Variants in CDH18 observed in about 807,000 individuals in gnomAD.
CDH18 encodes the protein cadherin 18, also known as cadherin-18.
CDH18 carries 31 observed loss-of-function variants against 67.9 expected under a neutral mutation model. That is an observed-to-expected ratio of 0.46 (90% CI 0.34 to 0.62). The LOEUF (loss-of-function observed/expected upper bound fraction) is 0.62, where lower values mean the gene tolerates loss of function less well. Among genes scored for constraint, CDH18 ranks in the 20% least tolerant of loss-of-function variants. The pLI is 0.01. For missense variants in CDH18, 890 were observed against 975.5 expected, an observed-to-expected ratio of 0.91 and a Z score of 1.17; for synonymous variants, 362 against 347.2, an observed-to-expected ratio of 1.04 and a Z score of -0.48.
chr5:19,720,300 G>C (rs909148920), intron 5 of CDH18, among the ~76,000 whole-genome samples: 7 of 152,044 alleles, frequency 4.6e-5, no homozygotes, highest in Admixed American at 4.6e-4. Flanking sequence ...TTTTGTATTA[G>C]TTATGTGGCT....
chr5:19,942,642 G>C (rs1032741991), intron 2 of CDH18, among the ~76,000 whole-genome samples: 3 of 152,100 alleles, frequency 2.0e-5, no homozygotes, highest in Non-Finnish European at 4.4e-5. Context: ...AATTCCACAA[G>C]CTGATAGATG....
At chr5:20,321,154 G>T (rs1337181271) in intron 1 of CDH18, among the ~76,000 whole-genome samples, 2 of 151,916 alleles carry the variant, frequency 1.3e-5, no homozygotes, top group Non-Finnish European at 2.9e-5. Context: ...CTTATATATA[G>T]AATAACATCT....
At chr5:19,502,371 G>T (rs1743395812) in intron 11 of CDH18, among the ~76,000 whole-genome samples, 1 of 152,098 alleles carries the variant, frequency 6.6e-6, no homozygotes, top group South Asian at 2.1e-4. Context: ...ATGGAACCTT[G>T]AGAAATGTAC....
At chr5:20,457,549 C>T (rs1315376731) in intron 1 of CDH18, among the ~76,000 whole-genome samples, 1 of 152,052 alleles carries the variant, frequency 6.6e-6, no homozygotes, top group Non-Finnish European at 1.5e-5. Flanking sequence ...TACAACTGTG[C>T]TTTGAACCCC....
intron 2 of CDH18, among the ~76,000 whole-genome samples, chr5:20,110,093 A>T (rs148831482): frequency 6.6e-6 from 1 of 152,206 alleles, no homozygotes; most frequent in Admixed American, 6.5e-5. Context: ...TACCCTCTAC[A>T]TGCCTTTGAA....
chr5:20,267,097 T>C (rs1202772216), intron 1 of CDH18, among the ~76,000 whole-genome samples: 1 of 152,210 alleles, frequency 6.6e-6, no homozygotes, highest in Non-Finnish European at 1.5e-5. Context: ...ATGGTTCAGA[T>C]AGTTTAAAGA....
intron 3 of CDH18, among the ~76,000 whole-genome samples, chr5:19,755,427 G>GTATATATATATA (rs1373982305): frequency 0.15 from 6,456 of 44,286 alleles, 2,357 homozygotes; most frequent in South Asian, 0.22. Context: ...AACTAACAGG[G>GTATATATATATA]TATGTATATA....
At chr5:20,495,668 A>G (rs1753862459) in intron 1 of CDH18, among the ~76,000 whole-genome samples, 1 of 152,174 alleles carries the variant, frequency 6.6e-6, no homozygotes, top group Non-Finnish European at 1.5e-5. Context: ...GTTTATACTA[A>G]TAGTTGACCA....
In CDH18 at chr5:20,090,701, C is replaced by T. The variant is rs545926889; in HGVS notation, c.-517-98687G>A. On this transcript the variant is annotated intron_variant, in intron 2 of 14. Coordinates refer to the CDH18 transcript ENST00000507958. ...ATGGATAAGTGAACTTCTCTTTCAA[C>T]CTCGTGAAACAAATTATTAAAAAGA... Among the ~76,000 whole-genome samples, 68 of 151,966 alleles carry T rather than the reference C, an allele frequency of 4.5e-4. 1 individual carries two copies. Among genetic ancestry groups the T allele is most frequent in the East Asian group, 1.5e-3 (8 of 5,166 alleles).
chr5:19,510,660 C>T (rs80202517), intron 10 of CDH18, among the ~76,000 whole-genome samples: 1,563 of 151,906 alleles, frequency 0.01, 22 homozygotes, highest in African/African-American at 0.036. Flanking sequence ...GTTTTGTGTC[C>T]CCACTAAAAT....
At chr5:20,159,320 G>A (rs1751796389) in intron 2 of CDH18, among the ~76,000 whole-genome samples, 1 of 152,018 alleles carries the variant, frequency 6.6e-6, no homozygotes, top group Admixed American at 6.6e-5. Context: ...GAAATAAAAA[G>A]CACTGAAGAA....
At chr5:19,968,989 AT>A (rs1393616484) in intron 2 of CDH18, among the ~76,000 whole-genome samples, 1 of 134,116 alleles carries the variant, frequency 7.5e-6, no homozygotes, top group African/African-American at 3.6e-5. Flanking sequence ...ACTCAAACAA[AT>A]TTACAAGAAA....
At position 20,173,111 on chromosome 5, in the gene CDH18, A is replaced by T. The variant is rs531105088; in HGVS notation, c.-518+82333T>A. 2.0e-5 allele frequency among the ~76,000 whole-genome samples: 3 copies of T among 152,308 alleles called. No homozygotes were observed. The South Asian group carries it at 6.2e-4, about 32-fold the overall frequency. On this transcript the variant is annotated intron_variant, in intron 2 of 14. Transcript: ENST00000507958. ...AACAGATCTGCAAGAGGCTAATGTG[A>T]ACCACTGACCTAGTGAGTGGGAAAT... is the stretch of plus-strand genomic sequence containing the variant.
In CDH18 at chr5:20,204,953, A is replaced by G. The variant is rs374737098; in HGVS notation, c.-518+50491T>C. Among the ~76,000 whole-genome samples the G allele has an allele frequency of 1.2e-4, 18 of 152,110 alleles. No homozygotes were observed. The East Asian group carries it at 3.1e-3, about 26-fold the overall frequency. ...GCAATAAGTTAAAAAAAATTTTACC[A>G]GAAAAAAACTTAACCACAAAGAAAA... On this transcript the variant is annotated intron_variant, in intron 2 of 14. Coordinates refer to the CDH18 transcript ENST00000507958.
intron 9 of CDH18, among the ~76,000 whole-genome samples, chr5:19,525,994 T>G (rs140896980): frequency 1.3e-5 from 2 of 152,272 alleles, no homozygotes; most frequent in African/African-American, 2.4e-5. Context: ...GTAAATAAAA[T>G]ATATTGAAAT....
chr5:20,266,571 A>ATTTTTTTTTTTTT lies in CDH18; in HGVS notation c.-579-11079_-579-11067dup, dbSNP rs34718835. On this transcript the variant is annotated intron_variant, in intron 1 of 14. Coordinates refer to the CDH18 transcript ENST00000507958. ...GGCACGTGCCGGCACGCCCGGCTGA[A>ATTTTTTTTTTTTT]TTTTTTTTTTTTTTTTTTTTTTTTT... Among the ~76,000 whole-genome samples the ATTTTTTTTTTTTT allele has an allele frequency of 2.1e-3, 126 of 59,186 alleles. 1 individual carries two copies. The highest frequency in any genetic ancestry group is 5.3e-3 in the East Asian group (10 of 1,894). The allele number at this position is 59,186 out of a possible 152,430, so 38.8% of individuals were successfully genotyped here. A position where few individuals can be genotyped will look rare whatever the true frequency, so the allele number is the denominator to read the frequency against.
rs111340547 is a variant in CDH18, at chr5:19,965,231, G to C, written c.-257+15829C>G. Among the ~76,000 whole-genome samples, 45 of 152,112 alleles carry C rather than the reference G, an allele frequency of 3.0e-4. 1 individual carries two copies. The highest frequency in any genetic ancestry group is 1.0e-3 in the African/African-American group (43 of 41,530). On this transcript the variant is annotated intron_variant, in intron 2 of 12. Transcript: ENST00000382275. ...AAATGCAAGCATAACAATGCCATAA[G>C]CTATTTTATAAAAACACAAGTTTCA...
chr5:19,989,238 T>C (rs1003657355), upstream of CDH18, among the ~76,000 whole-genome samples: 1 of 152,180 alleles, frequency 6.6e-6, no homozygotes, highest in Admixed American at 6.5e-5. Context: ...TTGGCAGATA[T>C]AATAAGAATT....
At chr5:19,521,669 A>G (rs1210833593) in intron 9 of CDH18, among the ~76,000 whole-genome samples, 3 of 150,240 alleles carry the variant, frequency 2.0e-5, no homozygotes, top group Admixed American at 6.7e-5. Flanking sequence ...GAAGTTATTC[A>G]TGATAGTAAG....
Sources: gnomAD v4.1 joint callset for allele counts (sites outside exome capture counted in the v4.1 genomes callset) on GRCh38, gnomAD v4.1.1 for gene constraint, MANE v1.5 for transcripts, NCBI Gene and HGNC (gene_info 2026-07-23, HGNC 2026-07-21) for gene names.